QTMAN: variants seen among roughly 807,000 people sequenced by gnomAD.
QTMAN encodes the protein tRNA-queuosine alpha-mannosyltransferase.
At chr2:144,004,046 T>G in the QTMAN span, among the ~76,000 whole-genome samples, 16 of 152,004 alleles carry the variant, frequency 1.1e-4, no homozygotes, top group Admixed American at 1.0e-3. Flanking sequence ...TCCTTTCTCC[T>G]TTAGGTTTAC....
the QTMAN span, among the ~76,000 whole-genome samples, chr2:144,293,165 G>C: frequency 6.6e-6 from 1 of 152,076 alleles, no homozygotes; most frequent in African/African-American, 2.4e-5. Flanking sequence ...GCATAAAAAA[G>C]ACTGCATTAT....
chr2:144,079,538 G>A, the QTMAN span, among the ~76,000 whole-genome samples: 3 of 152,186 alleles, frequency 2.0e-5, no homozygotes, highest in East Asian at 1.9e-4. Flanking sequence ...TTATAGCACT[G>A]CCCTTGGGGA....
chr2:144,250,567 T>C, the QTMAN span, among the ~76,000 whole-genome samples: 1 of 152,184 alleles, frequency 6.6e-6, no homozygotes, highest in Non-Finnish European at 1.5e-5. Flanking sequence ...TTTATGTAAA[T>C]TTGTTACGTT....
chr2:144,229,452 GC>G, the QTMAN span, among the ~76,000 whole-genome samples: 2 of 152,124 alleles, frequency 1.3e-5, no homozygotes, highest in Non-Finnish European at 2.9e-5. Flanking sequence ...TTCTTCACAG[GC>G]TTTCCTTTTT....
chr2:144,145,952 TG>T, the QTMAN span: 1 of 138,970 alleles, frequency 7.2e-6, no homozygotes, highest in Admixed American at 1.1e-4. Flanking sequence ...CGAATCTCAC[TG>T]GTCTTCTCAG....
chr2:144,025,568 G>A, the QTMAN span, among the ~76,000 whole-genome samples: 2 of 152,302 alleles, frequency 1.3e-5, no homozygotes, highest in South Asian at 4.1e-4. Flanking sequence ...TAAGAAGACT[G>A]GGCCTGTAGG....
At chr2:143,962,679 A>T in the QTMAN span, among the ~76,000 whole-genome samples, 1 of 152,180 alleles carries the variant, frequency 6.6e-6, no homozygotes, top group Non-Finnish European at 1.5e-5. Context: ...CAACAGAATC[A>T]GAAGGAGGCA....
chr2:144,060,296 T>G, the QTMAN span, among the ~76,000 whole-genome samples: 1 of 152,142 alleles, frequency 6.6e-6, no homozygotes, highest in African/African-American at 2.4e-5. Context: ...AGTTTTGCTC[T>G]TTCGCCCAGG....
At chr2:144,302,243 A>G in the QTMAN span, among the ~76,000 whole-genome samples, 1 of 151,458 alleles carries the variant, frequency 6.6e-6, no homozygotes, top group Non-Finnish European at 1.5e-5. Flanking sequence ...ATATATATAT[A>G]ATTATATACA....
the QTMAN span, among the ~76,000 whole-genome samples, chr2:144,303,708 C>T: frequency 6.6e-6 from 1 of 152,136 alleles, no homozygotes; most frequent in Non-Finnish European, 1.5e-5. Context: ...GATTAACTAG[C>T]ACCAGGCTTG....
the QTMAN span, among the ~76,000 whole-genome samples, chr2:144,072,767 T>C: frequency 6.6e-6 from 1 of 152,256 alleles, no homozygotes; most frequent in African/African-American, 2.4e-5. Flanking sequence ...TTAGGGTCTT[T>C]GTCTGGCTTA....
chr2:144,133,376 T>C, the QTMAN span, among the ~76,000 whole-genome samples: 1 of 50,566 alleles, frequency 2.0e-5, no homozygotes, highest in Admixed American at 3.6e-4. Context: ...TAATATATAA[T>C]AATAATATAA....
At chr2:144,229,422 T>C in the QTMAN span, among the ~76,000 whole-genome samples, 2 of 152,208 alleles carry the variant, frequency 1.3e-5, no homozygotes, top group Non-Finnish European at 2.9e-5. Flanking sequence ...TTCAGGGTAA[T>C]GATAGAGTAA....
chr2:144,274,868 G>A, the QTMAN span, among the ~76,000 whole-genome samples: 3 of 152,078 alleles, frequency 2.0e-5, no homozygotes, highest in African/African-American at 7.2e-5. Flanking sequence ...TCACAACCAG[G>A]GACTTGCAAT....
chr2:144,250,894 A>G, the QTMAN span, among the ~76,000 whole-genome samples: 1 of 152,074 alleles, frequency 6.6e-6, no homozygotes, highest in African/African-American at 2.4e-5. Context: ...TTTCTTTCTT[A>G]GTAAAAAAAA....
At chr2:144,243,345 T>A in the QTMAN span, among the ~76,000 whole-genome samples, 1 of 152,180 alleles carries the variant, frequency 6.6e-6, no homozygotes, top group Admixed American at 6.5e-5. Flanking sequence ...ATAATGCCCA[T>A]TTATCTCCAA....
the QTMAN span, among the ~76,000 whole-genome samples, chr2:144,264,116 T>A: frequency 1.3e-5 from 2 of 152,318 alleles, no homozygotes; most frequent in African/African-American, 4.8e-5. Flanking sequence ...TACCTCATGT[T>A]TAAAATGCAG....
chr2:144,290,189 G>A, the QTMAN span, among the ~76,000 whole-genome samples: 1 of 151,932 alleles, frequency 6.6e-6, no homozygotes, highest in Non-Finnish European at 1.5e-5. Context: ...CTGGCTGGGG[G>A]CTAAGGGGAT....
At chr2:144,089,613 A>T in the QTMAN span, among the ~76,000 whole-genome samples, 1 of 152,120 alleles carries the variant, frequency 6.6e-6, no homozygotes, top group Non-Finnish European at 1.5e-5. Context: ...ATTTGGTCAT[A>T]AAAAAAGAAT....
Sources: allele counts gnomAD v4.1 joint callset (sites outside exome capture counted in the v4.1 genomes callset), GRCh38; gene constraint gnomAD v4.1.1; transcripts MANE v1.5; gene names NCBI Gene and HGNC (gene_info 2026-07-23, HGNC 2026-07-21).